The following PLEKHG1 variants were observed in gnomAD, a reference collection of about 807,000 sequenced individuals.
PLEKHG1 encodes the protein pleckstrin homology domain-containing family G member 1.
A neutral mutation model predicts 100.8 loss-of-function variants in PLEKHG1; 44 were observed. The ratio of observed to expected loss-of-function variants is 0.44; its 90% CI spans 0.34 to 0.56. PLEKHG1 has a LOEUF of 0.56. PLEKHG1 is among the 20% of genes least tolerant of loss of function. PLEKHG1 has a pLI of 0.01. For missense variants in PLEKHG1, 1,545 were observed against 1,720.9 expected, an observed-to-expected ratio of 0.90 and a Z score of 1.81; for synonymous variants, 640 against 662.5, an observed-to-expected ratio of 0.97 and a Z score of 0.52.
chr6:150,816,326 CTTTTTTTTTTTTTT>C (rs1173343082), intron 10 of PLEKHG1, among the ~76,000 whole-genome samples: 22 of 41,132 alleles, frequency 5.3e-4, no homozygotes, highest in South Asian at 5.2e-3. Context: ...CTCAAACATA[CTTTTTTTTTTTTTT>C]TTTTTTTTTT....
chr6:150,669,266 A>G (rs6942341), intron 3 of PLEKHG1, among the ~76,000 whole-genome samples: 2,036 of 152,284 alleles, frequency 0.013, 51 homozygotes, highest in African/African-American at 0.047. Flanking sequence ...TTTGCTGTAC[A>G]GAATGAGTAG....
At chr6:150,840,957 C>T in exon 16 of PLEKHG1, 1 of 1,261,656 alleles carries the variant, frequency 7.9e-7, no homozygotes, top group Non-Finnish European at 1.2e-6. Flanking sequence ...GTTACAGATA[C>T]TGATGAGGTG....
chr6:150,674,310 A>C (rs1050924388), intron 3 of PLEKHG1, among the ~76,000 whole-genome samples: 1 of 152,160 alleles, frequency 6.6e-6, no homozygotes, highest in Non-Finnish European at 1.5e-5. Flanking sequence ...TTTATTGTTA[A>C]CTCTAAAGTT....
At chr6:150,747,450 GT>G (rs1266383523) in intron 2 of PLEKHG1, among the ~76,000 whole-genome samples, 1 of 152,098 alleles carries the variant, frequency 6.6e-6, no homozygotes, top group East Asian at 1.9e-4. Context: ...GTAGTTAACT[GT>G]TTTCTTATCA....
chr6:150,625,644 C>CTGCT (rs1281212243), intron 1 of PLEKHG1: 4 of 152,134 alleles, frequency 2.6e-5, no homozygotes, highest in African/African-American at 9.7e-5. Context: ...AGGCATGCAC[C>CTGCT]ACCATGCCTG....
chr6:150,693,662 C>T (rs1780429967), intron 3 of PLEKHG1, among the ~76,000 whole-genome samples: 1 of 152,222 alleles, frequency 6.6e-6, no homozygotes, highest in African/African-American at 2.4e-5. Flanking sequence ...TTCTCACCCG[C>T]TCTAAGCACA....
chr6:150,705,493 C>A (rs573428339), intron 3 of PLEKHG1, among the ~76,000 whole-genome samples: 1 of 152,372 alleles, frequency 6.6e-6, no homozygotes, highest in East Asian at 1.9e-4. Flanking sequence ...CTCCAGCCAC[C>A]ACTGCCCACG....
chr6:150,702,922 G>A (rs1029576606), intron 3 of PLEKHG1, among the ~76,000 whole-genome samples: 2 of 152,140 alleles, frequency 1.3e-5, no homozygotes, highest in Admixed American at 6.5e-5. Context: ...ACTTCCTCCC[G>A]TGGGCTAGCA....
intron 2 of PLEKHG1, among the ~76,000 whole-genome samples, chr6:150,646,033 C>T (rs55886219): frequency 0.12 from 18,090 of 152,260 alleles, 1,234 homozygotes; most frequent in South Asian, 0.21. Flanking sequence ...CAATAACATA[C>T]TATCCACCAG....
At chr6:150,676,789 T>C (rs1779769166) in intron 3 of PLEKHG1, among the ~76,000 whole-genome samples, 1 of 152,188 alleles carries the variant, frequency 6.6e-6, no homozygotes, top group South Asian at 2.1e-4. Flanking sequence ...TAGAACTCAT[T>C]ATTTTCCTGA....
At position 150,819,777 on chromosome 6, in the gene PLEKHG1, A is replaced by G. The variant is rs762704368; in HGVS notation, c.1408+3A>G. ...ATATCGGCTGAGAAGAAAATCTGGT[A>G]AGTAAGATGTTGTCATAAAAATTTA... On this transcript the variant is annotated splice_donor_region_variant and intron_variant, in intron 12 of 15. Transcript: ENST00000358517. 2 of 1,529,306 alleles carry G rather than the reference A, an allele frequency of 1.3e-6. No homozygotes were observed. Among genetic ancestry groups the G allele is most frequent in the Non-Finnish European group, 1.8e-6 (2 of 1,116,558 alleles). 94.7% of individuals were successfully genotyped at this position (1,529,306 alleles called of 1,614,324 possible).
chr6:150,825,933 C>T (rs972979612), intron 14 of PLEKHG1, among the ~76,000 whole-genome samples: 2 of 152,184 alleles, frequency 1.3e-5, no homozygotes, highest in Non-Finnish European at 2.9e-5. Context: ...AATCCCAGAA[C>T]TTTGGGAGGC....
intron 2 of PLEKHG1, among the ~76,000 whole-genome samples, chr6:150,765,788 G>A (rs901805097): frequency 6.6e-6 from 1 of 152,160 alleles, no homozygotes; most frequent in Admixed American, 6.5e-5. Context: ...GTTAGAAGAA[G>A]AATAAGATGT....
chr6:150,806,730 A>G (rs959624552), intron 7 of PLEKHG1, among the ~76,000 whole-genome samples: 2 of 146,610 alleles, frequency 1.4e-5, no homozygotes, highest in African/African-American at 5.0e-5. Flanking sequence ...TGGGAGGCTG[A>G]GGTGGGAGAA....
At chr6:150,777,873 G>A (rs916624368) in intron 3 of PLEKHG1, among the ~76,000 whole-genome samples, 22 of 152,380 alleles carry the variant, frequency 1.4e-4, no homozygotes, top group South Asian at 6.2e-4. Flanking sequence ...TGAGAAATCC[G>A]TAGTCTCCAC....
intron 3 of PLEKHG1, among the ~76,000 whole-genome samples, chr6:150,702,555 G>GT (rs1780834833): frequency 4.8e-5 from 2 of 41,686 alleles, no homozygotes; most frequent in African/African-American, 1.7e-4. Flanking sequence ...ATTTTGTTTT[G>GT]GGGTGTGTGT....
intron 3 of PLEKHG1, among the ~76,000 whole-genome samples, chr6:150,681,895 G>A (rs920793249): frequency 2.0e-5 from 3 of 152,194 alleles, no homozygotes; most frequent in Non-Finnish European, 1.5e-5. Flanking sequence ...ATGGCTGAAT[G>A]CTCCAGGCAG....
upstream of PLEKHG1, among the ~76,000 whole-genome samples, chr6:150,720,501 A>G (rs1781620938): frequency 1.3e-5 from 2 of 152,218 alleles, no homozygotes; most frequent in Admixed American, 1.3e-4. Context: ...TGTTTTTTAA[A>G]TGTCAGCCTT....
chr6:150,816,183 T>A (rs1285008078), intron 10 of PLEKHG1, among the ~76,000 whole-genome samples: 2 of 152,054 alleles, frequency 1.3e-5, no homozygotes, highest in Non-Finnish European at 2.9e-5. Flanking sequence ...CTTATTTTGG[T>A]CACTGTCACT....
Sources: allele counts gnomAD v4.1 joint callset (sites outside exome capture counted in the v4.1 genomes callset), GRCh38; gene constraint gnomAD v4.1.1; transcripts MANE v1.5; gene names NCBI Gene and HGNC (gene_info 2026-07-23, HGNC 2026-07-21).